Variants in RBBP8NL observed in about 807,000 individuals in gnomAD.
RBBP8NL encodes RBBP8 N-terminal-like protein.
RBBP8NL carries 59 observed loss-of-function variants against 62.2 expected under a neutral mutation model. The ratio of observed to expected loss-of-function variants is 0.95; its 90% CI spans 0.77 to 1.18. The LOEUF (loss-of-function observed/expected upper bound fraction) is 1.18, where lower values mean the gene tolerates loss of function less well. RBBP8NL is among the 50% of genes most tolerant of loss of function. The pLI is 0.00. For missense variants in RBBP8NL, 896 were observed against 899.5 expected, an observed-to-expected ratio of 1.00 and a Z score of 0.05; for synonymous variants, 412 against 394.1, an observed-to-expected ratio of 1.05 and a Z score of -0.54.
intron 1 of RBBP8NL, among the ~76,000 whole-genome samples, chr20:62,426,542 T>C (rs375364799): frequency 1.3e-5 from 2 of 152,324 alleles, no homozygotes; most frequent in East Asian, 3.9e-4. Context: ...GATGAGCAGG[T>C]GGAGCAAGAT....
At chr20:62,418,627 G>A (rs1346976944) in intron 2 of RBBP8NL, among the ~76,000 whole-genome samples, 162 bp from the exon 3 acceptor site, 2 of 152,206 alleles carry the variant, frequency 1.3e-5, no homozygotes, top group Non-Finnish European at 2.9e-5. Flanking sequence ...CCAGGCACGG[G>A]GCTGCCTGAG....
At position 62,414,406 on chromosome 20, in the gene RBBP8NL, G is replaced by T. The variant is rs757405064; in HGVS notation, c.945C>A (p.Ser315Arg). The change falls in exon 10 of 14, where the codon AGC becomes AGA. Residue 315 changes from serine (S) to arginine (R), a missense_variant. By Grantham distance (110) the Ser-to-Arg change is moderately radical. Coordinates refer to ENST00000252998, the MANE Select transcript of RBBP8NL (RefSeq NM_080833.3). ...SSPLAPAAAP[S>R]DPRLQDLKAR... ...CCTTCAGGTCCTGGAGCCGGGGGTC[G>T]CTGGGGGCTGCAGCAGGGGCCAGGG... 1.2e-4 allele frequency: 184 copies of T among 1,533,732 alleles called. 1 individual carries two copies. The highest frequency in any genetic ancestry group is 1.5e-4 in the Non-Finnish European group (172 of 1,133,686).
chr20:62,416,289 A>AGGGGGGAG, intron 5 of RBBP8NL, 53 bp from the exon 6 acceptor site: 1 of 117,580 alleles, frequency 8.5e-6, no homozygotes, highest in Admixed American at 1.2e-4. Context: ...GGACAGGGGC[A>AGGGGGGAG]GGGGTGGGGT....
At chr20:62,415,022 A>G in intron 9 of RBBP8NL, 99 bp downstream of exon 9, 1 of 1,261,342 alleles carries the variant, frequency 7.9e-7, no homozygotes, top group South Asian at 1.6e-5. Flanking sequence ...AGAGAAGTTC[A>G]GGGCTGTGAG....
In RBBP8NL at chr20:62,413,536, G is replaced by C. The variant is rs144707561; in HGVS notation, c.1540C>G (p.Arg514Gly). ...EEASTPMDPSRPLPGSQLSLS... is the reference protein window; with the variant it reads ...EEASTPMDPSGPLPGSQLSLS... The stretch of plus-strand genomic sequence containing the variant: ...CTGAGCTGGGACCCTGGAAGTGGGC[G>C]TGAGGGGTCCTGGGGGGAGGCAAGT... Residue 514 changes from arginine to glycine, a missense_variant, in exon 11 of 14, where the codon CGC becomes GGC. By Grantham distance (125) the Arg-to-Gly change is moderately radical. Coordinates refer to ENST00000252998, the MANE Select transcript of RBBP8NL (RefSeq NM_080833.3). 6.6e-7 allele frequency: 1 copy of C among 1,524,012 alleles called. No individual in the cohort carries two copies. The highest frequency in any genetic ancestry group is 8.8e-7 in the Non-Finnish European group (1 of 1,142,386). The allele number at this position is 1,524,012 out of a possible 1,614,324, so 94.4% of individuals were successfully genotyped here. A position where few individuals can be genotyped will look rare whatever the true frequency, so the allele number is the denominator to read the frequency against.
chr20:62,414,095 G>A lies in RBBP8NL; in HGVS notation c.1256C>T (p.Pro419Leu). 6.3e-7 allele frequency: 1 copy of A among 1,592,754 alleles called. No homozygotes were observed. The highest frequency in any genetic ancestry group is 8.5e-7 in the Non-Finnish European group (1 of 1,171,726). ...AGLSGGRHTQ[P>L]AGPGRAQRTE... ...CCTCTGGGCGCGGCCCGGGCCTGCA[G>A]GCTGTGTGTGCCGCCCTCCAGACAG... The change falls in exon 10 of 14, where the codon CCT (proline) becomes CTT (leucine). Residue 419 changes from proline (P) to leucine (L), a missense_variant. Pro to Leu is a moderately conservative substitution (Grantham distance 98). Transcript: ENST00000252998.
At position 62,415,673 on chromosome 20, in the gene RBBP8NL, A is replaced by G. The variant is rs1205524588; in HGVS notation, c.545-13T>C. The G allele has an allele frequency of 1.9e-6, 3 of 1,612,236 alleles. No individual in the cohort carries two copies. In the African/African-American group the frequency reaches 4.0e-5, roughly 22 times the overall value. The stretch of plus-strand genomic sequence containing the variant: ...CCTGCTGGCTTTTCTGTGGGAGGAG[A>G]AGCCAGGGGCAAGAGCTTGGGAGGT... On this transcript the variant is annotated splice_polypyrimidine_tract_variant and intron_variant, in intron 7 of 13. Coordinates refer to ENST00000252998, the MANE Select transcript of RBBP8NL (RefSeq NM_080833.3).
At chr20:62,421,457 TGC>T (rs1158814595) in intron 1 of RBBP8NL, among the ~76,000 whole-genome samples, 5 of 149,662 alleles carry the variant, frequency 3.3e-5, no homozygotes, top group African/African-American at 1.2e-4. Flanking sequence ...CATGTGTGTG[TGC>T]CGTGTGTGTG....
Position 62,417,434 on chromosome 20 carries a change from G to GCTGGATCCTGCTCAGTGCCCCCGACT in RBBP8NL, c.105-116_105-115insAGTCGGGGGCACTGAGCAGGATCCAG, listed in dbSNP as rs1988595060. The GCTGGATCCTGCTCAGTGCCCCCGACT allele has an allele frequency of 2.9e-5, 22 of 769,066 alleles. 1 individual carries two copies. Among genetic ancestry groups the GCTGGATCCTGCTCAGTGCCCCCGACT allele is most frequent in the African/African-American group, 1.9e-4 (11 of 56,604 alleles). The allele number at this position is 769,066 out of a possible 1,614,324, so 47.6% of individuals were successfully genotyped here. Reference sequence around the variant, plus strand: ...TCGGCACCTGCAGCCTTGGTCTGGGGGCAACGCCTAACCCGGTGCCCCCCT... The same window carrying GCTGGATCCTGCTCAGTGCCCCCGACT: ...TCGGCACCTGCAGCCTTGGTCTGGGGCTGGATCCTGCTCAGTGCCCCCGACTGCAACGCCTAACCCGGTGCCCCCCT... On this transcript the variant is annotated intron_variant, in intron 3 of 13. Coordinates refer to ENST00000252998, the MANE Select transcript of RBBP8NL (RefSeq NM_080833.3).
chr20:62,424,418 G>A (rs569531333), intron 1 of RBBP8NL, among the ~76,000 whole-genome samples: 11 of 152,224 alleles, frequency 7.2e-5, no homozygotes, highest in African/African-American at 1.7e-4. Context: ...TCTTGCCCAC[G>A]GTCAAAGCTA....
At position 62,419,583 on chromosome 20, in the gene RBBP8NL, T is replaced by A; in HGVS notation, c.61+4A>T. ...TAGCCTGGCATCTGTCCCTGGCCCC[T>A]CACCCAGGACTTCCTTCTCGTGGAT... On this transcript the variant is annotated splice_donor_region_variant and intron_variant, in intron 2 of 13. Coordinates refer to ENST00000252998, the MANE Select transcript of RBBP8NL (RefSeq NM_080833.3). 1 of 1,613,444 alleles carries A rather than the reference T, an allele frequency of 6.2e-7. No homozygotes were observed. The highest frequency in any genetic ancestry group is 8.5e-7 in the Non-Finnish European group (1 of 1,179,820).
chr20:62,411,490 T>A (rs1009063725), intron 13 of RBBP8NL, among the ~76,000 whole-genome samples: 7 of 152,244 alleles, frequency 4.6e-5, no homozygotes. Flanking sequence ...CCCAGACCTG[T>A]GACCTTGGGC....
rs1298543247 is a variant in RBBP8NL at position 62,418,476 on chromosome 20, A to G, written c.62-11T>C. ...GCTTGTTCTGCAGGCCTGGGGGAGC[A>G]AGCAGAGGGGCGGGGGGTCAGGCCC... On this transcript the variant is annotated splice_polypyrimidine_tract_variant and intron_variant, in intron 2 of 13. Transcript: ENST00000252998. 9 of 1,549,482 alleles carry G rather than the reference A, an allele frequency of 5.8e-6. No individual in the cohort carries two copies. The highest frequency in any genetic ancestry group is 7.9e-6 in the Non-Finnish European group (9 of 1,146,430).
In RBBP8NL at chr20:62,414,141, C is replaced by T; in HGVS notation, c.1210G>A (p.Ala404Thr). 6.2e-7 allele frequency: 1 copy of T among 1,603,282 alleles called. No homozygotes were observed. The highest frequency in any genetic ancestry group is 8.5e-7 in the Non-Finnish European group (1 of 1,176,796). ...SEGPENEGTR[A>T]ALAAAGLSGG... ...GACAGGCCTGCTGCGGCCAGAGCTGCCCTGGTCCCCTCATTCTCAGGGCCC... is the reference window on the plus strand; with the variant it reads ...GACAGGCCTGCTGCGGCCAGAGCTGTCCTGGTCCCCTCATTCTCAGGGCCC... The change falls in exon 10 of 14, where the codon GCA (alanine) becomes ACA (threonine). Residue 404 changes from alanine (A) to threonine (T), a missense_variant. By Grantham distance (58) the Ala-to-Thr change is moderately conservative. Transcript: ENST00000252998.
rs375317517 is a variant in RBBP8NL, at chr20:62,414,303, G to T, written c.1048C>A (p.Arg350Ser). The change falls in exon 10 of 14, where the codon CGC (arginine) becomes AGC (serine). Residue 350 changes from arginine (R) to serine (S), a missense_variant. By Grantham distance (110) the Arg-to-Ser change is moderately radical. Coordinates refer to ENST00000252998, the MANE Select transcript of RBBP8NL (RefSeq NM_080833.3). The part of the protein sequence containing the change: ...PSALAGMQDL[R>S]LEGALHLLLA... ...AGCAGGTGCAGTGCCCCCTCCAGGC[G>T]AAGGTCCTGCATGCCCGCCAGGGCA... 3.2e-6 allele frequency: 5 copies of T among 1,569,906 alleles called. No homozygotes were observed. Among genetic ancestry groups the T allele is most frequent in the Non-Finnish European group, 4.3e-6 (5 of 1,159,646 alleles).
intron 1 of RBBP8NL, among the ~76,000 whole-genome samples, chr20:62,423,929 G>A (rs909477441): frequency 9.2e-5 from 14 of 152,126 alleles, no homozygotes; most frequent in South Asian, 2.1e-4. Flanking sequence ...TTTTCTTCCC[G>A]AGTCAGCCTT....
rs981983060 is a variant in RBBP8NL at position 62,415,145 on chromosome 20, T to A, written c.770A>T (p.Tyr257Phe). Residue 257 changes from tyrosine (Y) to phenylalanine (F), a missense_variant, in exon 9 of 14, where the codon TAT (tyrosine) becomes TTT (phenylalanine). By Grantham distance (22) the Tyr-to-Phe change is conservative (BLOSUM62 3). Transcript: ENST00000252998. ...CCTGTCCAGGGAGAGGCCACGCTCA[T>A]ACGCTGGGCTGGGTGGGCTGCTCCT... is the stretch of plus-strand genomic sequence containing the variant. ...PARSSPPSPA[Y>F]ERGLSLDSFL... 1.1e-5 allele frequency: 17 copies of A among 1,502,734 alleles called. No individual in the cohort carries two copies. The highest frequency in any genetic ancestry group is 1.3e-5 in the Non-Finnish European group (15 of 1,123,180). 93.1% of individuals were successfully genotyped at this position (1,502,734 alleles called of 1,614,324 possible).
chr20:62,411,780 C>T (rs981316740), intron 13 of RBBP8NL, among the ~76,000 whole-genome samples: 5 of 152,370 alleles, frequency 3.3e-5, no homozygotes, highest in African/African-American at 1.2e-4. Context: ...GACTGCACCC[C>T]CCGGGGCCAT....
At chr20:62,411,408 T>A (rs754078644) in intron 13 of RBBP8NL, among the ~76,000 whole-genome samples, 10 of 152,224 alleles carry the variant, frequency 6.6e-5, no homozygotes, top group Non-Finnish European at 1.2e-4. Context: ...GATGCTGGGC[T>A]TAGGCCATCT....
Sources: allele counts gnomAD v4.1 joint callset (sites outside exome capture counted in the v4.1 genomes callset), GRCh38; gene constraint gnomAD v4.1.1; transcripts MANE v1.5; gene names NCBI Gene and HGNC (gene_info 2026-07-23, HGNC 2026-07-21).